KMT2A: variants seen among roughly 807,000 people sequenced by gnomAD.
KMT2A encodes histone-lysine N-methyltransferase 2A.
A neutral mutation model predicts 345.3 loss-of-function variants in KMT2A; 16 were observed. The ratio of observed to expected loss-of-function variants is 0.05; its 90% CI spans 0.03 to 0.07. The LOEUF is 0.07. Ranked by LOEUF, KMT2A falls within the 10% of genes least tolerant of loss-of-function variation. KMT2A has a pLI of 1.00. For synonymous variants in KMT2A, 1,599 were observed against 1,778.6 expected, an observed-to-expected ratio of 0.90 and a Z score of 2.54; for missense variants, 3,272 against 4,841.6, an observed-to-expected ratio of 0.68 and a Z score of 9.62.
intron 15 of KMT2A, 106 bp downstream of exon 15, chr11:118,492,034 G>A: frequency 1.3e-6 from 1 of 788,980 alleles, no homozygotes; most frequent in African/African-American, 1.7e-5. Flanking sequence ...TTAGTTACTT[G>A]TTTTGGCTAT....
At position 118,476,248 on chromosome 11, in the gene KMT2A, G is replaced by A. The variant is rs1440890427; in HGVS notation, c.3157-557G>A. On this transcript the variant is annotated intron_variant, in intron 3 of 35. Coordinates refer to ENST00000534358, the MANE Select transcript of KMT2A (RefSeq NM_001197104.2). This position sits in a 1 kb window ranked among gnomAD's most constrained non-coding sequence, Gnocchi z 4.1. ...CACCCCTACTTCTCTGATGATCAAGGAAATATAAGAAATAGTTTTTGGTTA... is the reference window on the plus strand; with the variant it reads ...CACCCCTACTTCTCTGATGATCAAGAAAATATAAGAAATAGTTTTTGGTTA... Among the ~76,000 whole-genome samples the A allele has an allele frequency of 6.6e-6, 1 of 152,152 alleles. No individual in the cohort carries two copies. The highest frequency in any genetic ancestry group is 1.5e-5 in the Non-Finnish European group (1 of 68,036).
chr11:118,498,644 A>T lies in KMT2A; in HGVS notation c.5961+116A>T, dbSNP rs1950449391. The T allele has an allele frequency of 2.1e-6, 2 of 969,740 alleles. No individual in the cohort carries two copies. Among genetic ancestry groups the T allele is most frequent in the Non-Finnish European group, 1.5e-6 (1 of 667,124 alleles). 60.1% of individuals were successfully genotyped at this position (969,740 alleles called of 1,614,324 possible). A position where few individuals can be genotyped will look rare whatever the true frequency, so the allele number is the denominator to read the frequency against. On this transcript the variant is annotated intron_variant, in intron 22 of 35. Transcript: ENST00000534358. This position sits in a 1 kb window ranked among gnomAD's most constrained non-coding sequence, Gnocchi z 4.4. ...GATTTCCCATATGCCCCCTGCACCC[A>T]CATATGCACAGCCTCCCCCATGATC...
rs558987194 is a variant in KMT2A at position 118,475,115 on chromosome 11, T to C, written c.3156+800T>C. On this transcript the variant is annotated intron_variant, in intron 3 of 35. Coordinates refer to ENST00000534358, the MANE Select transcript of KMT2A (RefSeq NM_001197104.2). ...GCCACTGCACTCCAGCCTGGGCCAA[T>C]AGAGTAAGTCTCTATCTCAAAATAA... Among the ~76,000 whole-genome samples the C allele has an allele frequency of 1.5e-3, 230 of 151,950 alleles. 1 individual carries two copies. The highest frequency in any genetic ancestry group is 6.0e-3 in the East Asian group (31 of 5,142).
rs775025829 is a variant in KMT2A, at chr11:118,490,762, G to C, written c.4697-434G>C. Among the ~76,000 whole-genome samples, 1 of 152,096 alleles carries C rather than the reference G, an allele frequency of 6.6e-6. No individual in the cohort carries two copies. Among genetic ancestry groups the C allele is most frequent in the Non-Finnish European group, 1.5e-5 (1 of 68,010 alleles). ...ATTTATGAAGGTTATACAGAGTACT[G>C]AATCTTAGGAAGTGCTCCTCTAAGC... is the stretch of plus-strand genomic sequence containing the variant. On this transcript the variant is annotated intron_variant, in intron 13 of 35. Transcript: ENST00000534358. The surrounding 1 kb of genome is among the most constrained non-coding windows in gnomAD (Gnocchi z 4.2).
Position 118,520,041 on chromosome 11 carries a change from G to A in KMT2A, c.11406G>A (p.Glu3802=), listed in dbSNP as rs1565317353. The A allele has an allele frequency of 4.3e-6, 7 of 1,613,914 alleles. No individual in the cohort carries two copies. The highest frequency in any genetic ancestry group is 2.2e-5 in the East Asian group (1 of 44,884). ...ACAACCCCAATGATGAAGAAGAGGA[G>A]GAGGTACAGCTGAAGTCAGCTCGGT... ...PEYNPNDEEE[E]EVQLKSARRA... is the part of the protein sequence containing the mutation. Residue 3802 remains glutamate, a synonymous_variant, in exon 33 of 36, where the codon GAG becomes GAA. Coordinates refer to ENST00000534358, the MANE Select transcript of KMT2A (RefSeq NM_001197104.2). This position sits in a 1 kb window ranked among gnomAD's most constrained non-coding sequence, Gnocchi z 4.3.
intron 2 of KMT2A, among the ~76,000 whole-genome samples, chr11:118,469,124 A>G (rs1047916477): frequency 2.0e-5 from 3 of 150,290 alleles, no homozygotes; most frequent in East Asian, 3.9e-4. Flanking sequence ...TATATCTCCC[A>G]ATGCTATCCC....
intron 4 of KMT2A, among the ~76,000 whole-genome samples, chr11:118,477,438 A>G (rs1950056714): frequency 6.8e-6 from 1 of 146,700 alleles, no homozygotes; most frequent in African/African-American, 2.5e-5. Context: ...TCTCGATTTT[A>G]GATTAGACTT....
chr11:118,469,917 C>T (rs1949914207), intron 2 of KMT2A, among the ~76,000 whole-genome samples: 1 of 152,194 alleles, frequency 6.6e-6, no homozygotes, highest in Non-Finnish European at 1.5e-5. Context: ...GTCCCAGTAT[C>T]TGTGCTATTC....
rs9332864 is a variant in KMT2A at position 118,521,493 on chromosome 11, A to G, written c.11643+76A>G. 2.1e-3 allele frequency: 3,144 copies of G among 1,517,078 alleles called. 49 individuals are homozygous for G. The African/African-American group carries it at 0.039, about 19-fold the overall frequency. 94.0% of individuals were successfully genotyped at this position (1,517,078 alleles called of 1,614,324 possible). A position where few individuals can be genotyped will look rare whatever the true frequency, so the allele number is the denominator to read the frequency against. On this transcript the variant is annotated intron_variant, in intron 35 of 35. Transcript: ENST00000534358. This position sits in a 1 kb window ranked among gnomAD's most constrained non-coding sequence, Gnocchi z 5.3. ...GGACCAGTATGACCCCTGGATCACAAAAGAAATAGTGTATGTTATCAATTC... is the reference window on the plus strand; with the variant it reads ...GGACCAGTATGACCCCTGGATCACAGAAGAAATAGTGTATGTTATCAATTC...
At position 118,473,555 on chromosome 11, in the gene KMT2A, C is replaced by A; in HGVS notation, c.2396C>A (p.Pro799His). Residue 799 changes from proline to histidine, a missense_variant, in exon 3 of 36, where the codon CCT (proline) becomes CAT (histidine). Coordinates refer to ENST00000534358, the MANE Select transcript of KMT2A (RefSeq NM_001197104.2). The surrounding 1 kb of genome is among the most constrained non-coding windows in gnomAD (Gnocchi z 5.2). ...GCCTTAAACCCAACTTTTACTTTTC[C>A]TTCTCATTCCCTGACTCAGTCTGGG... ...TSALNPTFTF[P>H]SHSLTQSGES... 1 of 1,614,082 alleles carries A rather than the reference C, an allele frequency of 6.2e-7. No individual in the cohort carries two copies. Among genetic ancestry groups the A allele is most frequent in the Non-Finnish European group, 8.5e-7 (1 of 1,180,020 alleles).
At chr11:118,463,992 A>C (rs1014014770) in intron 1 of KMT2A, among the ~76,000 whole-genome samples, 3 of 152,256 alleles carry the variant, frequency 2.0e-5, no homozygotes, top group Non-Finnish European at 2.9e-5. Flanking sequence ...TGGGTGAAAG[A>C]ATGGTGAAAT....
intron 1 of KMT2A, among the ~76,000 whole-genome samples, chr11:118,437,679 C>A (rs527468385): frequency 2.2e-4 from 33 of 151,396 alleles, no homozygotes; most frequent in Non-Finnish European, 3.2e-4. Context: ...GTCTCTTCCC[C>A]CCCCCGCCCC....
At chr11:118,474,757 C>T (rs1331870742) in intron 3 of KMT2A, among the ~76,000 whole-genome samples, 1 of 152,076 alleles carries the variant, frequency 6.6e-6, no homozygotes, top group East Asian at 1.9e-4. Flanking sequence ...GAATAGAAAA[C>T]CGGAGGGGAG....
chr11:118,472,611 T>G lies in KMT2A; in HGVS notation c.1452T>G (p.Val484=), dbSNP rs1555035976. The G allele has an allele frequency of 6.2e-7, 1 of 1,611,882 alleles. No individual in the cohort carries two copies. Among genetic ancestry groups the G allele is most frequent in the South Asian group, 1.1e-5 (1 of 90,916 alleles). ...CCTCTCGATCTAGTAGCCCCAGTGT[T>G]GATACCTCCACAGACTCTCAGGCTT... ...SDSSRSSSPS[V]DTSTDSQASE... Residue 484 remains valine, a synonymous_variant, in exon 3 of 36, where the codon GTT becomes GTG. Transcript: ENST00000534358.
At chr11:118,453,986 T>C (rs1949591983) in intron 1 of KMT2A, among the ~76,000 whole-genome samples, 1 of 152,196 alleles carries the variant, frequency 6.6e-6, no homozygotes. Context: ...TTTATCTCTT[T>C]TATTCACATC....
At chr11:118,519,511 C>A in intron 31 of KMT2A, 107 bp from the exon 32 acceptor site, 2 of 962,894 alleles carry the variant, frequency 2.1e-6, no homozygotes, top group Non-Finnish European at 3.2e-6. Context: ...ATAATTCACC[C>A]TGGAGCAGCC....
intron 25 of KMT2A, 35 bp from the exon 26 acceptor site, chr11:118,501,637 C>A (rs782557235): frequency 1.9e-6 from 3 of 1,552,666 alleles, no homozygotes; most frequent in Non-Finnish European, 2.6e-6. Flanking sequence ...TTTAATTGGG[C>A]CTTTTTAGTT....
At position 118,484,395 on chromosome 11, in the gene KMT2A, A is replaced by T; in HGVS notation, c.4218+81A>T. 6.8e-7 allele frequency: 1 copy of T among 1,464,250 alleles called. No homozygotes were observed. Among genetic ancestry groups the T allele is most frequent in the South Asian group, 1.2e-5 (1 of 81,552 alleles). 90.7% of individuals were successfully genotyped at this position (1,464,250 alleles called of 1,614,324 possible). ...AAAATGCTACTACCAAAGGTGTTGA[A>T]AGAGGAAATCAGCACCAACTGGGGG... On this transcript the variant is annotated intron_variant, in intron 9 of 35. Transcript: ENST00000534358. The surrounding 1 kb of genome is among the most constrained non-coding windows in gnomAD (Gnocchi z 4.1).
Position 118,480,107 on chromosome 11 carries a change from GA to G in KMT2A, c.3570-65del, listed in dbSNP as rs1449077690. On this transcript the variant is annotated intron_variant, in intron 5 of 35. Transcript: ENST00000534358. ...ATTCACTGATTGTTGCAGACAAAAT[GA>G]ACACTTGTTTCAGTGCTTTTCTTCT... 2.4e-5 allele frequency: 30 copies of G among 1,262,336 alleles called. No homozygotes were observed. In the African/African-American group the frequency reaches 4.0e-4, roughly 17 times the overall value. 78.2% of individuals were successfully genotyped at this position (1,262,336 alleles called of 1,614,324 possible). A position where few individuals can be genotyped will look rare whatever the true frequency, so the allele number is the denominator to read the frequency against.
Sources: allele counts gnomAD v4.1 joint callset (sites outside exome capture counted in the v4.1 genomes callset), GRCh38; gene constraint gnomAD v4.1.1; non-coding constraint Gnocchi (gnomAD v3.1); transcripts MANE v1.5; gene names NCBI Gene and HGNC (gene_info 2026-07-23, HGNC 2026-07-21).